The following DUSP13B variants were observed in gnomAD, a reference collection of about 807,000 sequenced individuals.
The protein encoded by DUSP13B is dual specificity phosphatase 13B.
At chr10:75,095,222 C>T in the DUSP13B span, among the ~76,000 whole-genome samples, 6 of 152,290 alleles carry the variant, frequency 3.9e-5, no homozygotes, top group Admixed American at 6.5e-5. Context: ...CCCTTTCCCC[C>T]GAGTTCTGCC....
the DUSP13B span, chr10:75,097,723 G>C: frequency 6.3e-7 from 1 of 1,580,680 alleles, no homozygotes; most frequent in Non-Finnish European, 8.6e-7. Context: ...CATCTCCCAG[G>C]AAGAGGCTGG....
At chr10:75,098,737 G>A in the DUSP13B span, among the ~76,000 whole-genome samples, 1 of 152,180 alleles carries the variant, frequency 6.6e-6, no homozygotes, top group Admixed American at 6.5e-5. Context: ...ACTCCAGCCT[G>A]GGCAACAGAG....
the DUSP13B span, chr10:75,095,564 C>T: frequency 5.3e-5 from 85 of 1,612,334 alleles, no homozygotes; most frequent in Non-Finnish European, 7.0e-5. Flanking sequence ...ATGCCTGATC[C>T]AGAAGTGCAC....
At chr10:75,095,019 C>T in the DUSP13B span, 1 of 778,286 alleles carries the variant, frequency 1.3e-6, no homozygotes, top group South Asian at 1.8e-5. Flanking sequence ...CAACTGAAGC[C>T]CAAAGAGAGG....
At chr10:75,107,896 A>G in the DUSP13B span, 1 of 1,389,594 alleles carries the variant, frequency 7.2e-7, no homozygotes, top group Non-Finnish European at 9.8e-7. Flanking sequence ...GATTTTTAAA[A>G]AGCAGGGATG....
the DUSP13B span, chr10:75,095,880 C>CCCGCCCA: frequency 3.1e-6 from 4 of 1,285,748 alleles, no homozygotes; most frequent in South Asian, 1.3e-5. Context: ...TGCAAACACC[C>CCCGCCCA]CCGCCCACCA....
At chr10:75,105,612 C>A in the DUSP13B span, 13 of 1,493,974 alleles carry the variant, frequency 8.7e-6, 1 homozygote, top group Non-Finnish European at 1.2e-5. Context: ...AGGCCCTCAC[C>A]TGGCCTCTTC....
the DUSP13B span, chr10:75,105,515 G>C: frequency 7.2e-6 from 6 of 829,200 alleles, no homozygotes; most frequent in Non-Finnish European, 9.3e-6. Flanking sequence ...TTTGGAGAGA[G>C]GGCCAGGCCC....
At chr10:75,104,872 C>A in the DUSP13B span, among the ~76,000 whole-genome samples, 2 of 151,988 alleles carry the variant, frequency 1.3e-5, no homozygotes, top group African/African-American at 4.8e-5. Flanking sequence ...CCTTCAGAGA[C>A]AGGAACTGCT....
At chr10:75,099,371 C>T in the DUSP13B span, 1 of 1,232,264 alleles carries the variant, frequency 8.1e-7, no homozygotes, top group Non-Finnish European at 1.0e-6. Flanking sequence ...GAAGACCAAG[C>T]TGTCCTCCTC....
At chr10:75,095,358 T>A in the DUSP13B span, among the ~76,000 whole-genome samples, 3 of 152,210 alleles carry the variant, frequency 2.0e-5, no homozygotes, top group African/African-American at 7.2e-5. Context: ...GTGATGCTGA[T>A]GACCACACTG....
the DUSP13B span, chr10:75,108,892 G>C: frequency 2.2e-6 from 3 of 1,353,086 alleles, no homozygotes; most frequent in South Asian, 1.5e-5. Flanking sequence ...TCCCTGGCCT[G>C]GGATGGTCAG....
the DUSP13B span, chr10:75,094,723 G>A: frequency 6.2e-7 from 1 of 1,614,184 alleles, no homozygotes; most frequent in Non-Finnish European, 8.5e-7. Context: ...AGAACCTGGA[G>A]CTGCCGGAGG....
chr10:75,096,576 CAAAAAA>C, the DUSP13B span, among the ~76,000 whole-genome samples: 1 of 80,840 alleles, frequency 1.2e-5, no homozygotes, highest in Non-Finnish European at 2.5e-5. Context: ...GACCCCGCCT[CAAAAAA>C]AAAAAAAAAA....
At chr10:75,101,271 C>T in the DUSP13B span, among the ~76,000 whole-genome samples, 1 of 152,168 alleles carries the variant, frequency 6.6e-6, no homozygotes, top group East Asian at 1.9e-4. Context: ...TGTGAGAATT[C>T]CATGTAATAA....
the DUSP13B span, chr10:75,108,394 G>A: frequency 2.7e-6 from 3 of 1,128,178 alleles, no homozygotes; most frequent in Non-Finnish European, 3.6e-6. Context: ...TCTGGTGGCT[G>A]AGCCGGCGGT....
At chr10:75,102,040 T>C in the DUSP13B span, 6 of 1,107,084 alleles carry the variant, frequency 5.4e-6, no homozygotes, top group African/African-American at 1.6e-5. Flanking sequence ...TCCCAACTTG[T>C]CCACTGGTTC....
the DUSP13B span, chr10:75,095,716 C>T: frequency 1.2e-6 from 2 of 1,614,236 alleles, no homozygotes; most frequent in Non-Finnish European, 1.7e-6. Flanking sequence ...CCTGTGTCCA[C>T]CTGGAACTTG....
At chr10:75,100,170 G>A in the DUSP13B span, among the ~76,000 whole-genome samples, 1 of 152,162 alleles carries the variant, frequency 6.6e-6, no homozygotes, top group East Asian at 1.9e-4. Flanking sequence ...GGAGCAGGCA[G>A]CCAGGCTCCA....
Sources: allele counts gnomAD v4.1 joint callset (sites outside exome capture counted in the v4.1 genomes callset), GRCh38; gene constraint gnomAD v4.1.1; transcripts MANE v1.5; gene names NCBI Gene and HGNC (gene_info 2026-07-23, HGNC 2026-07-21).